Variants in DACH2 observed in about 807,000 individuals in gnomAD.
DACH2 encodes the protein dachshund family transcription factor 2.
DACH2 carries 17 observed loss-of-function variants against 35.8 expected under a neutral mutation model. The observed-to-expected ratio is 0.48, with a 90% CI of 0.33 to 0.71. The LOEUF is 0.71. Ranked by LOEUF, DACH2 falls within the 30% of genes least tolerant of loss-of-function variation. The pLI, the probability that DACH2 is intolerant of heterozygous loss-of-function variation, is 0.02. For missense variants in DACH2, 469 were observed against 472.7 expected (o/e 0.99, Z 0.07); for synonymous variants, 195 against 177.3 (o/e 1.10, Z -0.79).
intron 2 of DACH2, among the ~76,000 whole-genome samples, chrX:86,433,025 C>G (rs150679750): frequency 1.9e-3 from 213 of 111,690 alleles, no homozygotes; most frequent in African/African-American, 6.7e-3. Context: ...GCTATGTGGT[C>G]TTGGACAATT....
At chrX:86,401,770 A>G (rs1321148636) in intron 2 of DACH2, among the ~76,000 whole-genome samples, 3 of 110,634 alleles carry the variant, frequency 2.7e-5, no homozygotes, top group African/African-American at 9.9e-5. Flanking sequence ...ATGAACATAG[A>G]TGAAAGAAAT....
At chrX:86,755,963 A>G (rs1383770106) in intron 7 of DACH2, among the ~76,000 whole-genome samples, 1 of 110,028 alleles carries the variant, frequency 9.1e-6, no homozygotes, top group Non-Finnish European at 1.9e-5. Flanking sequence ...AGGATATCCT[A>G]TTTTCCCAGC....
intron 4 of DACH2, among the ~76,000 whole-genome samples, chrX:86,672,047 G>T (rs1450875715): frequency 8.9e-6 from 1 of 112,026 alleles, no homozygotes; most frequent in Non-Finnish European, 1.9e-5. Flanking sequence ...TGGCAGCATT[G>T]TGCCCATGCT....
At chrX:86,375,439 A>T (rs1164985645) in intron 1 of DACH2, among the ~76,000 whole-genome samples, 1 of 102,226 alleles carries the variant, frequency 9.8e-6, no homozygotes, top group Non-Finnish European at 2.0e-5. Context: ...GTAGCCAAAA[A>T]GTTTGTTGTG....
intron 5 of DACH2, among the ~76,000 whole-genome samples, chrX:86,710,917 G>A (rs781622339): frequency 8.9e-6 from 1 of 111,930 alleles, no homozygotes; most frequent in Non-Finnish European, 1.9e-5. Flanking sequence ...AGTCACTGTA[G>A]AAATGACAAA....
intron 2 of DACH2, among the ~76,000 whole-genome samples, chrX:86,452,025 T>G (rs2037386961): frequency 8.9e-6 from 1 of 111,900 alleles, no homozygotes; most frequent in African/African-American, 3.2e-5. Context: ...TATTTAGAGT[T>G]TTTAACATAA....
chrX:86,541,129 G>T (rs62593272), intron 3 of DACH2, among the ~76,000 whole-genome samples: 5,485 of 111,600 alleles, frequency 0.049, 115 homozygotes, highest in Middle Eastern at 0.1. Flanking sequence ...TTCCTTTCTT[G>T]CTTTGAAATC....
intron 7 of DACH2, among the ~76,000 whole-genome samples, chrX:86,747,053 G>T (rs758605832): frequency 9.0e-6 from 1 of 111,621 alleles, no homozygotes; most frequent in South Asian, 3.7e-4. Context: ...AATTATCTGC[G>T]TGTCTATTCT....
intron 4 of DACH2, among the ~76,000 whole-genome samples, chrX:86,683,948 C>T (rs1321802109): frequency 1.8e-5 from 2 of 111,220 alleles, no homozygotes; most frequent in South Asian, 7.6e-4. Context: ...GTCTGATGCT[C>T]CTTCCACTAT....
chrX:86,681,752 G>A (rs1322114430), intron 4 of DACH2, among the ~76,000 whole-genome samples: 1 of 108,554 alleles, frequency 9.2e-6, no homozygotes, highest in African/African-American at 3.4e-5. Context: ...ATGGCTTTTA[G>A]TATTTTTTTC....
At chrX:86,451,853 G>T (rs919672415) in intron 2 of DACH2, among the ~76,000 whole-genome samples, 3 of 111,066 alleles carry the variant, frequency 2.7e-5, no homozygotes, top group African/African-American at 9.8e-5. Context: ...TCTCTTGCCT[G>T]TTTGATCTGT....
At chrX:86,254,799 T>G (rs867960711) in intron 1 of DACH2, among the ~76,000 whole-genome samples, 3 of 68,175 alleles carry the variant, frequency 4.4e-5, no homozygotes, top group African/African-American at 2.3e-4. Context: ...TATATATATA[T>G]ATATATATAG....
At chrX:86,629,893 G>A (rs56125854) in intron 3 of DACH2, among the ~76,000 whole-genome samples, 13,652 of 110,093 alleles carry the variant, frequency 0.12, 745 homozygotes, top group East Asian at 0.32. Flanking sequence ...TAATAATAAT[G>A]ATAAATGATA....
intron 7 of DACH2, among the ~76,000 whole-genome samples, chrX:86,766,263 T>C (rs918265235): frequency 4.5e-5 from 5 of 111,829 alleles, no homozygotes; most frequent in Non-Finnish European, 7.5e-5. Flanking sequence ...TTCCTAATTG[T>C]ATTCTGAAAT....
rs185363865 is a variant in DACH2, at chrX:86,245,796, T to C, written c.488+96688T>C. ...ATATCTTGCCTCCAAGCAACCACAC[T>C]AACTCTCCAGCCATGATTTTTAACC... On this transcript the variant is annotated intron_variant, in intron 1 of 11. Transcript: ENST00000373125. 2.3e-3 allele frequency among the ~76,000 whole-genome samples: 261 copies of C among 111,765 alleles called. 1 individual carries two copies. The highest frequency in any genetic ancestry group is 2.7e-3 in the Non-Finnish European group (143 of 53,213).
chrX:86,294,056 T>C (rs1479706774), intron 1 of DACH2, among the ~76,000 whole-genome samples: 1 of 111,980 alleles, frequency 8.9e-6, no homozygotes, highest in African/African-American at 3.2e-5. Context: ...CACTTTCAGG[T>C]ACACCAATCA....
chrX:86,509,438 C>T, intron 2 of DACH2, among the ~76,000 whole-genome samples: 1 of 111,582 alleles, frequency 9.0e-6, no homozygotes, highest in Non-Finnish European at 1.9e-5. Context: ...GCATGGATGA[C>T]TTCTTCCTGG....
intron 2 of DACH2, among the ~76,000 whole-genome samples, chrX:86,386,760 T>C (rs1039145561): frequency 9.0e-6 from 1 of 111,429 alleles, no homozygotes; most frequent in Non-Finnish European, 1.9e-5. Context: ...TTTCTTGCAC[T>C]GGATGTTCCA....
chrX:86,810,202 A>G (rs1306616678), intron 7 of DACH2, among the ~76,000 whole-genome samples: 1 of 111,653 alleles, frequency 9.0e-6, no homozygotes. Context: ...CTTCAAATAG[A>G]AGACTTCCAA....
Sources: allele counts gnomAD v4.1 joint callset (sites outside exome capture counted in the v4.1 genomes callset), GRCh38; gene constraint gnomAD v4.1.1; transcripts MANE v1.5; gene names NCBI Gene and HGNC (gene_info 2026-07-23, HGNC 2026-07-21).